The following RBFOX1 variants were observed in gnomAD, a reference collection of about 807,000 sequenced individuals.
RBFOX1 encodes the protein RNA binding protein fox-1 homolog 1.
Under a neutral mutation model 57.7 loss-of-function variants are expected in RBFOX1, and 8 were observed. The observed-to-expected ratio is 0.14, with a 90% CI of 0.08 to 0.25. RBFOX1 has a LOEUF of 0.25. RBFOX1 is among the 10% of genes least tolerant of loss of function. The pLI is 1.00. For missense variants in RBFOX1, 611 were observed against 548.5 expected, an observed-to-expected ratio of 1.11 and a Z score of -1.14; for synonymous variants, 326 against 222.4, an observed-to-expected ratio of 1.47 and a Z score of -4.15.
chr16:6,534,353 T>C (rs1421011987), intron 2 of RBFOX1, among the ~76,000 whole-genome samples: 1 of 152,124 alleles, frequency 6.6e-6, no homozygotes, highest in Non-Finnish European at 1.5e-5. Context: ...TGGTTCTAGT[T>C]TTATGAAGCT....
chr16:6,237,153 C>A (rs1246542775), intron 1 of RBFOX1, among the ~76,000 whole-genome samples: 1 of 152,206 alleles, frequency 6.6e-6, no homozygotes, highest in African/African-American at 2.4e-5. Flanking sequence ...TCCCTAAAAT[C>A]TTACTGGCAA....
chr16:5,937,832 C>T (rs1299005683), intron 4 of RBFOX1, among the ~76,000 whole-genome samples: 2 of 150,284 alleles, frequency 1.3e-5, no homozygotes, highest in East Asian at 3.9e-4. Context: ...TCATAGTATA[C>T]ATACATATAT....
At chr16:6,861,307 C>T (rs554902000) in intron 3 of RBFOX1, among the ~76,000 whole-genome samples, 2 of 152,078 alleles carry the variant, frequency 1.3e-5, no homozygotes, top group African/African-American at 2.4e-5. Context: ...AGGTCCCTTT[C>T]GAGTGCATTG....
intron 2 of RBFOX1, among the ~76,000 whole-genome samples, chr16:5,489,174 A>C (rs1392527538): frequency 6.6e-6 from 1 of 152,230 alleles, no homozygotes; most frequent in Non-Finnish European, 1.5e-5. Flanking sequence ...TTTCTGCATG[A>C]TAGGAATTCC....
At chr16:7,150,922 C>G (rs536198462) in intron 4 of RBFOX1, among the ~76,000 whole-genome samples, 18 of 152,258 alleles carry the variant, frequency 1.2e-4, no homozygotes, top group African/African-American at 4.3e-4. Context: ...TAGGTGTTCC[C>G]ATTAGAAACC....
intron 4 of RBFOX1, among the ~76,000 whole-genome samples, chr16:7,410,263 C>G (rs189564768): frequency 6.6e-6 from 1 of 152,220 alleles, no homozygotes; most frequent in Non-Finnish European, 1.5e-5. Context: ...CTTAGACCAA[C>G]ACAGCCACTG....
intron 1 of RBFOX1, among the ~76,000 whole-genome samples, chr16:6,314,070 G>A (rs2080756135): frequency 1.3e-5 from 2 of 152,212 alleles, no homozygotes; most frequent in South Asian, 4.1e-4. Flanking sequence ...GTGTGGGTTT[G>A]GACTCAGATG....
At chr16:6,769,446 C>G (rs1324982934) in intron 3 of RBFOX1, among the ~76,000 whole-genome samples, 6 of 152,216 alleles carry the variant, frequency 3.9e-5, no homozygotes, top group Admixed American at 3.3e-4. Flanking sequence ...TGAGCTACAT[C>G]TCCACTGCAA....
At chr16:7,340,107 T>G (rs1011562476) in intron 4 of RBFOX1, among the ~76,000 whole-genome samples, 4 of 152,196 alleles carry the variant, frequency 2.6e-5, no homozygotes, top group African/African-American at 7.2e-5. Flanking sequence ...GTTGCCCACT[T>G]TAGAGCCAGA....
chr16:6,851,251 A>G (rs1038898895), intron 3 of RBFOX1, among the ~76,000 whole-genome samples: 5 of 152,200 alleles, frequency 3.3e-5, no homozygotes, highest in Non-Finnish European at 7.3e-5. Context: ...TAGAGAATCA[A>G]TGCGTGGTTG....
chr16:7,302,847 C>G (rs761492253), intron 4 of RBFOX1, among the ~76,000 whole-genome samples: 38 of 150,636 alleles, frequency 2.5e-4, no homozygotes, highest in Non-Finnish European at 4.0e-4. Context: ...CTAATGAAAT[C>G]TACTAATGAA....
At chr16:6,630,393 C>A (rs1029879371) in intron 2 of RBFOX1, among the ~76,000 whole-genome samples, 1 of 152,112 alleles carries the variant, frequency 6.6e-6, no homozygotes, top group African/African-American at 2.4e-5. Context: ...TTTAATGATA[C>A]TCAAAAGAAA....
At chr16:6,408,795 T>A (rs565060934) in intron 2 of RBFOX1, among the ~76,000 whole-genome samples, 1 of 152,312 alleles carries the variant, frequency 6.6e-6, no homozygotes, top group South Asian at 2.1e-4. Flanking sequence ...GACAGTGATT[T>A]GTGTTTGCAT....
intron 1 of RBFOX1, among the ~76,000 whole-genome samples, chr16:5,242,086 T>A (rs1260084923): frequency 1.3e-5 from 2 of 151,794 alleles, no homozygotes; most frequent in Non-Finnish European, 2.9e-5. Context: ...TGCACTCCAG[T>A]CTAGGTGACA....
At chr16:5,864,613 A>C (rs1460601319) in intron 3 of RBFOX1, among the ~76,000 whole-genome samples, 2 of 151,878 alleles carry the variant, frequency 1.3e-5, no homozygotes, top group Non-Finnish European at 2.9e-5. Flanking sequence ...TTTCATTAAC[A>C]ATATATGCTG....
At chr16:6,688,968 C>T (rs948392645) in intron 3 of RBFOX1, among the ~76,000 whole-genome samples, 1 of 146,544 alleles carries the variant, frequency 6.8e-6, no homozygotes, top group Non-Finnish European at 1.5e-5. Flanking sequence ...GATATGAACT[C>T]ATCCTTTTTT....
At chr16:6,895,448 G>GTGTGTATATATATATA (rs869028735) in intron 3 of RBFOX1, among the ~76,000 whole-genome samples, 1 of 54,610 alleles carries the variant, frequency 1.8e-5, no homozygotes, top group Non-Finnish European at 3.3e-5. Context: ...GTGTGTGTGT[G>GTGTGTATATATATATA]TATATATATA....
intron 4 of RBFOX1, among the ~76,000 whole-genome samples, chr16:7,402,560 T>C (rs4608355): frequency 0.87 from 132,399 of 152,176 alleles, 57,760 homozygotes; most frequent in South Asian, 0.95. Flanking sequence ...ATGTGAACTT[T>C]GGTAGTGGAA....
intron 4 of RBFOX1, among the ~76,000 whole-genome samples, chr16:7,104,585 A>C (rs563110271): frequency 6.6e-6 from 1 of 152,166 alleles, no homozygotes; most frequent in African/African-American, 2.4e-5. Flanking sequence ...TTGGGCTTCT[A>C]TAGTCAAGTC....
Sources: gnomAD v4.1 joint callset for allele counts (sites outside exome capture counted in the v4.1 genomes callset) on GRCh38, gnomAD v4.1.1 for gene constraint, MANE v1.5 for transcripts, NCBI Gene and HGNC (gene_info 2026-07-23, HGNC 2026-07-21) for gene names.